DAP: variants seen among roughly 807,000 people sequenced by gnomAD.
The protein encoded by DAP is death associated protein.
Under a neutral mutation model 13.8 loss-of-function variants are expected in DAP, and 8 were observed. The observed-to-expected ratio is 0.58, with a 90% CI of 0.34 to 1.05. The LOEUF is 1.05. DAP is among the 50% of genes least tolerant of loss of function. DAP has a pLI of 0.03. For synonymous variants in DAP, 47 were observed against 47.5 expected, an observed-to-expected ratio of 0.99 and a Z score of 0.04; for missense variants, 106 against 133.2, an observed-to-expected ratio of 0.80 and a Z score of 1.01.
At chr5:10,721,610 G>A (rs1175310781) in intron 2 of DAP, among the ~76,000 whole-genome samples, 1 of 152,166 alleles carries the variant, frequency 6.6e-6, no homozygotes, top group Non-Finnish European at 1.5e-5. Context: ...AGGTCGACGG[G>A]AAACTACAAC....
intron 2 of DAP, among the ~76,000 whole-genome samples, chr5:10,697,100 G>A (rs904137471): frequency 6.6e-6 from 1 of 152,188 alleles, no homozygotes; most frequent in Non-Finnish European, 1.5e-5. Context: ...ATACTGGGGG[G>A]AAGCCCGCCT....
intron 2 of DAP, among the ~76,000 whole-genome samples, chr5:10,701,835 G>T (rs1738586288): frequency 6.6e-6 from 1 of 152,118 alleles, no homozygotes; most frequent in Non-Finnish European, 1.5e-5. Flanking sequence ...ATGCTGCATG[G>T]TCACTCCAAG....
At chr5:10,760,672 C>T (rs1352053636) in intron 1 of DAP, among the ~76,000 whole-genome samples, 2 of 152,246 alleles carry the variant, frequency 1.3e-5, no homozygotes, top group South Asian at 2.1e-4. Context: ...CATCTGTATC[C>T]TCTAAGTAAA....
At chr5:10,684,159 C>T (rs1346962728) in intron 2 of DAP, among the ~76,000 whole-genome samples, 1 of 152,214 alleles carries the variant, frequency 6.6e-6, no homozygotes, top group Non-Finnish European at 1.5e-5. Flanking sequence ...CACATTTTAA[C>T]TATGGGCAAG....
At chr5:10,726,798 G>A (rs1561024097) in intron 2 of DAP, among the ~76,000 whole-genome samples, 1 of 152,188 alleles carries the variant, frequency 6.6e-6, no homozygotes, top group African/African-American at 2.4e-5. Flanking sequence ...CACAACAGAA[G>A]GTGCAAGACC....
At chr5:10,708,633 G>GA (rs1312589478) in intron 2 of DAP, among the ~76,000 whole-genome samples, 1 of 152,180 alleles carries the variant, frequency 6.6e-6, no homozygotes, top group Non-Finnish European at 1.5e-5. Flanking sequence ...CAGCGACTCT[G>GA]AAACCATGTT....
chr5:10,721,605 G>A (rs186697573), intron 2 of DAP, among the ~76,000 whole-genome samples: 10 of 152,256 alleles, frequency 6.6e-5, no homozygotes, highest in South Asian at 6.2e-4. Context: ...GATTAAGGTC[G>A]ACGGGAAACT....
chr5:10,705,170 G>A (rs769116714), intron 2 of DAP, among the ~76,000 whole-genome samples: 3 of 152,154 alleles, frequency 2.0e-5, no homozygotes, highest in Admixed American at 6.5e-5. Context: ...TTCCTGATGC[G>A]TTTGAATCAG....
intron 1 of DAP, among the ~76,000 whole-genome samples, chr5:10,760,760 G>C (rs1181733506): frequency 1.3e-5 from 2 of 152,300 alleles, no homozygotes; most frequent in Admixed American, 1.3e-4. Context: ...CAATCGCACA[G>C]GTACGCGGCC....
intron 2 of DAP, among the ~76,000 whole-genome samples, chr5:10,737,639 T>C (rs746138225): frequency 6.6e-6 from 1 of 152,256 alleles, no homozygotes; most frequent in Non-Finnish European, 1.5e-5. Flanking sequence ...AGCTGGCACA[T>C]TGCTGGGCCA....
chr5:10,720,757 A>G lies in DAP; in HGVS notation c.152+27418T>C, dbSNP rs1739114148. ...CATTCCTCGGGGTGATCAGCCAGCTACCTAGTGACTAGTTGATTATAATGG... is the reference window on the plus strand; with the variant it reads ...CATTCCTCGGGGTGATCAGCCAGCTGCCTAGTGACTAGTTGATTATAATGG... On this transcript the variant is annotated intron_variant, in intron 2 of 3. Transcript: ENST00000230895. Among the ~76,000 whole-genome samples, 3 of 152,210 alleles carry G rather than the reference A, an allele frequency of 2.0e-5. No homozygotes were observed. In the South Asian group the frequency reaches 6.2e-4, roughly 32 times the overall value.
At position 10,680,829 on chromosome 5, in the gene DAP, C is replaced by A. The variant is rs1180197367; in HGVS notation, c.*227G>T. The A allele has an allele frequency of 3.3e-6, 5 of 1,536,762 alleles. No individual in the cohort carries two copies. In the Admixed American group the frequency reaches 7.8e-5, roughly 24 times the overall value. On this transcript the variant is annotated 3_prime_UTR_variant, in exon 4 of 4. Coordinates refer to ENST00000230895, the MANE Select transcript of DAP (RefSeq NM_004394.3). ...ATTCTGCTAATGGCACCTCTAGGGG[C>A]ACAATGATCCTCAAATGACATCCAA... is the stretch of plus-strand genomic sequence containing the variant.
intron 2 of DAP, among the ~76,000 whole-genome samples, chr5:10,711,711 C>G (rs1310156461): frequency 6.6e-6 from 1 of 152,206 alleles, no homozygotes; most frequent in East Asian, 1.9e-4. Context: ...TCTGTTTACT[C>G]TTTCTCACAC....
chr5:10,735,480 T>C (rs1166182235), intron 2 of DAP, among the ~76,000 whole-genome samples: 1 of 152,244 alleles, frequency 6.6e-6, no homozygotes, highest in African/African-American at 2.4e-5. Context: ...ACATTTAAAA[T>C]ACTGCTGATT....
At chr5:10,698,029 A>G (rs966133907) in intron 2 of DAP, among the ~76,000 whole-genome samples, 1 of 152,114 alleles carries the variant, frequency 6.6e-6, no homozygotes, top group African/African-American at 2.4e-5. Flanking sequence ...CATGATGGAC[A>G]AGGGCTTTCT....
At chr5:10,722,369 C>A (rs192470188) in intron 2 of DAP, among the ~76,000 whole-genome samples, 1 of 152,154 alleles carries the variant, frequency 6.6e-6, no homozygotes, top group African/African-American at 2.4e-5. Flanking sequence ...CCTCGAACAT[C>A]GGACTCCAAG....
intron 2 of DAP, among the ~76,000 whole-genome samples, chr5:10,689,654 C>T (rs1738253016): frequency 6.6e-6 from 1 of 152,162 alleles, no homozygotes; most frequent in African/African-American, 2.4e-5. Flanking sequence ...GAGGTGAGGC[C>T]CACCGGGTGT....
chr5:10,749,413 C>T (rs1383205791), intron 1 of DAP, among the ~76,000 whole-genome samples: 1 of 152,190 alleles, frequency 6.6e-6, no homozygotes, highest in African/African-American at 2.4e-5. Context: ...CACACTATTT[C>T]ACATTCCCAC....
At chr5:10,720,866 A>G (rs1161597680) in intron 2 of DAP, among the ~76,000 whole-genome samples, 1 of 152,228 alleles carries the variant, frequency 6.6e-6, no homozygotes, top group Non-Finnish European at 1.5e-5. Context: ...AGGTTTGCCT[A>G]TCCTGCATGC....
Sources: allele counts gnomAD v4.1 joint callset (sites outside exome capture counted in the v4.1 genomes callset), GRCh38; gene constraint gnomAD v4.1.1; transcripts MANE v1.5; gene names NCBI Gene and HGNC (gene_info 2026-07-23, HGNC 2026-07-21).